Variants in KCNMB2 observed in about 807,000 individuals in gnomAD.
KCNMB2 encodes the protein calcium-activated potassium channel subunit beta-2.
Under a neutral mutation model 24.5 loss-of-function variants are expected in KCNMB2, and 9 were observed. The observed-to-expected ratio is 0.37, with a 90% CI of 0.22 to 0.64. The LOEUF is 0.64. Among genes scored for constraint, KCNMB2 ranks in the 30% least tolerant of loss-of-function variants. KCNMB2 has a pLI of 0.63. For synonymous variants in KCNMB2, 109 were observed against 104.4 expected, an observed-to-expected ratio of 1.04 and a Z score of -0.27; for missense variants, 226 against 284.3, an observed-to-expected ratio of 0.79 and a Z score of 1.47.
At chr3:178,813,575 T>A (rs532808263) in intron 2 of KCNMB2, among the ~76,000 whole-genome samples, 1 of 152,334 alleles carries the variant, frequency 6.6e-6, no homozygotes, top group East Asian at 1.9e-4. Context: ...ACAATGTTTC[T>A]TTGTTTCCAA....
chr3:178,778,460 A>ATACGCACGCACGTGCGCGCGCGCGCGCG lies in KCNMB2; in HGVS notation c.-67-28883_-67-28882insTACGCACGCACGTGCGCGCGCGCGCGCG, dbSNP rs1553777053. 7.0e-3 allele frequency among the ~76,000 whole-genome samples: 337 copies of ATACGCACGCACGTGCGCGCGCGCGCGCG among 48,044 alleles called. 5 individuals carry two copies. The highest frequency in any genetic ancestry group is 0.058 in the Middle Eastern group (3 of 52). The allele number at this position is 48,044 out of a possible 152,430, so 31.5% of individuals were successfully genotyped here. On this transcript the variant is annotated intron_variant, in intron 1 of 4. Transcript: ENST00000452583. Reference sequence around the variant, plus strand: ...GCCTGATTTCTACCCTTTAAGACACACACACACACACACACACACACACAC... The same window carrying ATACGCACGCACGTGCGCGCGCGCGCGCG: ...GCCTGATTTCTACCCTTTAAGACACATACGCACGCACGTGCGCGCGCGCGCGCGCACACACACACACACACACACACAC...
intron 1 of KCNMB2, among the ~76,000 whole-genome samples, chr3:178,806,562 T>A (rs1713976891): frequency 6.6e-6 from 1 of 152,050 alleles, no homozygotes. Context: ...TATATATGAT[T>A]AAGGCTTTTT....
intron 1 of KCNMB2, among the ~76,000 whole-genome samples, chr3:178,646,307 T>C (rs1188077568): frequency 6.6e-6 from 1 of 152,206 alleles, no homozygotes; most frequent in Non-Finnish European, 1.5e-5. Flanking sequence ...GGCAAATATC[T>C]GACAATGGCT....
intron 2 of KCNMB2, among the ~76,000 whole-genome samples, chr3:178,823,385 G>A (rs961827139): frequency 6.6e-6 from 1 of 152,132 alleles, no homozygotes; most frequent in African/African-American, 2.4e-5. Context: ...AAGAAGCCAG[G>A]AAAGACAAGG....
chr3:178,757,584 A>G lies in KCNMB2; in HGVS notation c.-67-49759A>G, dbSNP rs188951279. On this transcript the variant is annotated intron_variant, in intron 1 of 4. Coordinates refer to ENST00000452583, the MANE Select transcript of KCNMB2 (RefSeq NM_181361.3). The stretch of plus-strand genomic sequence containing the variant: ...AGAGGATATATATATATGTATATAT[A>G]TCCAAGAGGATATATATATATGTAT... Among the ~76,000 whole-genome samples the G allele has an allele frequency of 1.9e-4, 9 of 46,316 alleles. 2 individuals carry two copies. Among genetic ancestry groups the G allele is most frequent in the African/African-American group, 8.8e-4 (9 of 10,218 alleles). The allele number at this position is 46,316 out of a possible 152,430, so 30.4% of individuals were successfully genotyped here.
At chr3:178,607,205 G>A (rs756367414) in intron 1 of KCNMB2, among the ~76,000 whole-genome samples, 12 of 152,196 alleles carry the variant, frequency 7.9e-5, no homozygotes, top group East Asian at 1.9e-4. Flanking sequence ...ATGGTGATTC[G>A]GGTGTAAAAA....
chr3:178,790,137 C>T (rs966814791), intron 1 of KCNMB2, among the ~76,000 whole-genome samples: 1 of 151,920 alleles, frequency 6.6e-6, no homozygotes, highest in African/African-American at 2.4e-5. Context: ...TTATGGATGA[C>T]ATTTCTAGAT....
chr3:178,682,663 C>T (rs533810059), intron 1 of KCNMB2, among the ~76,000 whole-genome samples: 1 of 151,550 alleles, frequency 6.6e-6, no homozygotes, highest in Non-Finnish European at 1.5e-5. Flanking sequence ...GAAACTTAAA[C>T]AATTGAACAA....
At chr3:178,713,824 A>G (rs1181750447) in intron 1 of KCNMB2, among the ~76,000 whole-genome samples, 3 of 152,198 alleles carry the variant, frequency 2.0e-5, no homozygotes, top group African/African-American at 2.4e-5. Flanking sequence ...AATGACCATC[A>G]TTATAAAAAT....
chr3:178,717,373 TTA>T (rs1319315277), intron 1 of KCNMB2, among the ~76,000 whole-genome samples: 3 of 152,138 alleles, frequency 2.0e-5, no homozygotes, highest in Non-Finnish European at 2.9e-5. Flanking sequence ...CGTCCTTTGA[TTA>T]TGTTTCTTTT....
chr3:178,743,934 A>C (rs970748806), intron 1 of KCNMB2, among the ~76,000 whole-genome samples: 19 of 152,218 alleles, frequency 1.2e-4, no homozygotes, highest in African/African-American at 4.6e-4. Context: ...GACAGAATTA[A>C]AGCATCTATT....
At chr3:178,833,834 C>A (rs537356868) in intron 4 of KCNMB2, among the ~76,000 whole-genome samples, 2 of 152,266 alleles carry the variant, frequency 1.3e-5, no homozygotes, top group South Asian at 4.1e-4. Context: ...GCTGTTTAAG[C>A]TGATAAACTG....
At chr3:178,603,659 G>A (rs185768730) in intron 1 of KCNMB2, among the ~76,000 whole-genome samples, 3 of 152,226 alleles carry the variant, frequency 2.0e-5, no homozygotes, top group South Asian at 2.1e-4. Flanking sequence ...TCAGGAACAT[G>A]GGAGAGTTGA....
At chr3:178,551,803 C>A (rs1331547367) in intron 1 of KCNMB2, among the ~76,000 whole-genome samples, 2 of 152,206 alleles carry the variant, frequency 1.3e-5, no homozygotes, top group Admixed American at 1.3e-4. Context: ...AAAGCATGAT[C>A]AGCTTGCCCA....
chr3:178,553,506 G>A (rs1012115975), intron 1 of KCNMB2, among the ~76,000 whole-genome samples: 3 of 151,634 alleles, frequency 2.0e-5, no homozygotes, highest in Non-Finnish European at 4.4e-5. Flanking sequence ...ACTCAGCACT[G>A]AGCATTCTCT....
At chr3:178,821,768 A>G (rs1163786695) in intron 2 of KCNMB2, among the ~76,000 whole-genome samples, 3 of 152,162 alleles carry the variant, frequency 2.0e-5, no homozygotes, top group East Asian at 1.9e-4. Context: ...GCATAAATCT[A>G]AACTATATCC....
chr3:178,641,942 A>T (rs1286933408), intron 1 of KCNMB2, among the ~76,000 whole-genome samples: 1 of 152,080 alleles, frequency 6.6e-6, no homozygotes, highest in Non-Finnish European at 1.5e-5. Context: ...ATGCTTATTT[A>T]TCCATTTTAT....
At chr3:178,829,504 T>G (rs1387197204) in intron 4 of KCNMB2, among the ~76,000 whole-genome samples, 1 of 152,218 alleles carries the variant, frequency 6.6e-6, no homozygotes, top group East Asian at 1.9e-4. Flanking sequence ...GAATGTTGTT[T>G]GAAAATGCTG....
At chr3:178,773,015 A>G (rs1321857876) in intron 1 of KCNMB2, among the ~76,000 whole-genome samples, 1 of 152,192 alleles carries the variant, frequency 6.6e-6, no homozygotes, top group African/African-American at 2.4e-5. Flanking sequence ...GTTTCAAAAA[A>G]AAAAGAAGTT....
Sources: allele counts gnomAD v4.1 joint callset (sites outside exome capture counted in the v4.1 genomes callset), GRCh38; gene constraint gnomAD v4.1.1; transcripts MANE v1.5; gene names NCBI Gene and HGNC (gene_info 2026-07-23, HGNC 2026-07-21).